Variants in SEMA4D observed in about 807,000 individuals in gnomAD.
SEMA4D encodes the protein semaphorin-4D.
A neutral mutation model predicts 74.8 loss-of-function variants in SEMA4D; 22 were observed. The ratio of observed to expected loss-of-function variants is 0.29; its 90% CI spans 0.21 to 0.42. The LOEUF is 0.42. Among genes scored for constraint, SEMA4D ranks in the 10% least tolerant of loss-of-function variants. The pLI, the probability that SEMA4D is intolerant of heterozygous loss-of-function variation, is 1.00. For missense variants in SEMA4D, 937 were observed against 1,118.4 expected, an observed-to-expected ratio of 0.84 and a Z score of 2.31; for synonymous variants, 445 against 463.7, an observed-to-expected ratio of 0.96 and a Z score of 0.52.
chr9:89,396,672 G>T, intron 6 of SEMA4D, 65 bp downstream of exon 6: 2 of 1,315,972 alleles, frequency 1.5e-6, no homozygotes, highest in South Asian at 1.2e-5. Flanking sequence ...TCTGCTTTGA[G>T]CCCCCTTCTA....
intron 2 of SEMA4D, among the ~76,000 whole-genome samples, chr9:89,419,282 A>G (rs1846404113): frequency 6.6e-6 from 1 of 152,164 alleles, no homozygotes; most frequent in Admixed American, 6.5e-5. Context: ...GGCCAATTTT[A>G]TAAGCAAAAG....
chr9:89,375,115 C>A (rs149636294), downstream of SEMA4D, among the ~76,000 whole-genome samples: 1 of 152,154 alleles, frequency 6.6e-6, no homozygotes, highest in Non-Finnish European at 1.5e-5. Context: ...TGCATCTGCC[C>A]GCAAAGGAGC....
downstream of SEMA4D, among the ~76,000 whole-genome samples, chr9:89,373,421 C>G (rs982201021): frequency 6.6e-6 from 1 of 152,178 alleles, no homozygotes; most frequent in Non-Finnish European, 1.5e-5. Flanking sequence ...TGGGCCTCCA[C>G]CAGCTCTGGG....
intron 1 of SEMA4D, among the ~76,000 whole-genome samples, chr9:89,467,313 C>T (rs1404434836): frequency 1.3e-5 from 2 of 152,166 alleles, no homozygotes; most frequent in South Asian, 2.1e-4. Flanking sequence ...ATGCTCCCTC[C>T]GAGGTCCCTA....
chr9:89,412,166 C>A (rs1162118532), intron 2 of SEMA4D, among the ~76,000 whole-genome samples: 5 of 152,188 alleles, frequency 3.3e-5, no homozygotes, highest in Non-Finnish European at 7.3e-5. Flanking sequence ...TGAGGTAGAA[C>A]AGGAGAAACA....
At chr9:89,445,246 C>T (rs574019961) in intron 2 of SEMA4D, among the ~76,000 whole-genome samples, 4 of 152,320 alleles carry the variant, frequency 2.6e-5, no homozygotes, top group South Asian at 4.1e-4. Context: ...CTCTTTGGAC[C>T]GTGAGTGCTG....
intron 16 of SEMA4D, among the ~76,000 whole-genome samples, chr9:89,370,516 GGC>G (rs1488130343): frequency 1.3e-5 from 2 of 150,170 alleles, no homozygotes; most frequent in Non-Finnish European, 3.0e-5. Context: ...GTGTGATGCT[GGC>G]ATGTGGTGTG....
At chr9:89,369,635 T>C (rs1834230989) in intron 16 of SEMA4D, 1 of 152,294 alleles carries the variant, frequency 6.6e-6, no homozygotes, top group African/African-American at 2.4e-5. Context: ...CCAGATGCGC[T>C]ATGTGCTGGC....
intron 2 of SEMA4D, among the ~76,000 whole-genome samples, chr9:89,415,309 G>GA (rs1414632765): frequency 1.1e-4 from 17 of 152,194 alleles, no homozygotes; most frequent in Admixed American, 5.2e-4. Context: ...CTCCCTACTG[G>GA]ACACTGGCTC....
chr9:89,376,955 CA>C, downstream of SEMA4D: 2 of 1,550,582 alleles, frequency 1.3e-6, no homozygotes, highest in South Asian at 1.2e-5. Context: ...CGAGGCTGGC[CA>C]GGGGGTCCAG....
exon 19 of SEMA4D, chr9:89,361,364 A>ACACT (rs1217383205): frequency 1.3e-5 from 2 of 152,352 alleles, no homozygotes; most frequent in African/African-American, 4.8e-5. Context: ...TGCTGGGAAG[A>ACACT]CACTCAGTAT....
intron 1 of SEMA4D, among the ~76,000 whole-genome samples, chr9:89,459,848 C>T (rs1310473723): frequency 2.0e-5 from 3 of 152,214 alleles, no homozygotes; most frequent in African/African-American, 7.2e-5. Context: ...CGAGGGAGCC[C>T]AGGCCAGCAT....
At chr9:89,424,059 C>T (rs561220849) in intron 2 of SEMA4D, among the ~76,000 whole-genome samples, 24 of 151,462 alleles carry the variant, frequency 1.6e-4, no homozygotes, top group African/African-American at 5.8e-4. Flanking sequence ...TCAGCACCTC[C>T]CCTTTCTCAG....
At chr9:89,437,362 A>G (rs986345021) in intron 2 of SEMA4D, among the ~76,000 whole-genome samples, 1 of 152,132 alleles carries the variant, frequency 6.6e-6, no homozygotes, top group Non-Finnish European at 1.5e-5. Flanking sequence ...AGTATTGCCC[A>G]ATCTTGGTCG....
Position 89,405,395 on chromosome 9 carries a change from G to T in SEMA4D, c.62C>A (p.Ala21Glu). The T allele has an allele frequency of 6.2e-7, 1 of 1,614,096 alleles. No individual in the cohort carries two copies. Among genetic ancestry groups the T allele is most frequent in the Non-Finnish European group, 8.5e-7 (1 of 1,179,990 alleles). ...CCGGGGTATGGGTGCAAATGCCATCGCTGTCCCAAACATCACTGCAAGGGC... is the reference window on the plus strand; with the variant it reads ...CCGGGGTATGGGTGCAAATGCCATCTCTGTCCCAAACATCACTGCAAGGGC... ...LMALAVMFGT[A>E]MAFAPIPRIT... is the part of the protein sequence containing the mutation. Residue 21 changes from alanine to glutamate, a missense_variant, in exon 3 of 16, where the codon GCG (alanine) becomes GAG (glutamate). By Grantham distance (107) the Ala-to-Glu change is moderately radical. Transcript: ENST00000422704.
intron 1 of SEMA4D, among the ~76,000 whole-genome samples, chr9:89,482,997 T>C (rs986105483): frequency 6.6e-6 from 1 of 152,244 alleles, no homozygotes; most frequent in African/African-American, 2.4e-5. Context: ...ATGGAGTCTG[T>C]ATCTCCCCGA....
At chr9:89,398,417 C>T (rs1337011347) in intron 5 of SEMA4D, among the ~76,000 whole-genome samples, 2 of 152,162 alleles carry the variant, frequency 1.3e-5, no homozygotes, top group African/African-American at 2.4e-5. Flanking sequence ...CTCCCATCTC[C>T]GCTGAGAGCC....
At chr9:89,401,521 C>T (rs1203857612) in intron 4 of SEMA4D, among the ~76,000 whole-genome samples, 5 of 152,134 alleles carry the variant, frequency 3.3e-5, no homozygotes, top group East Asian at 1.9e-4. Context: ...AACCCCACAC[C>T]GCGAGGTCTC....
At chr9:89,411,771 C>T (rs1056422761) in intron 2 of SEMA4D, among the ~76,000 whole-genome samples, 1 of 152,250 alleles carries the variant, frequency 6.6e-6, no homozygotes, top group African/African-American at 2.4e-5. Flanking sequence ...GAAGAGTGAG[C>T]TGACTCTGTG....
Sources: allele counts gnomAD v4.1 joint callset (sites outside exome capture counted in the v4.1 genomes callset), GRCh38; gene constraint gnomAD v4.1.1; transcripts MANE v1.5; gene names NCBI Gene and HGNC (gene_info 2026-07-23, HGNC 2026-07-21).